DCLK2: variants seen among roughly 807,000 people sequenced by gnomAD.
The protein encoded by DCLK2 is serine/threonine-protein kinase DCLK2.
In DCLK2, 31 loss-of-function variants were observed where a neutral mutation model predicts 78.4. The observed-to-expected ratio is 0.40, with a 90% CI of 0.30 to 0.53. DCLK2 has a LOEUF of 0.53. Ranked by LOEUF, DCLK2 falls within the 20% of genes least tolerant of loss-of-function variation. The pLI, the probability that DCLK2 is intolerant of heterozygous loss-of-function variation, is 0.61. For missense variants in DCLK2, 872 were observed against 973.7 expected (o/e 0.90, Z 1.39); for synonymous variants, 407 against 374.9 (o/e 1.09, Z -0.99).
intron 1 of DCLK2, among the ~76,000 whole-genome samples, chr4:150,084,900 C>T (rs1339549254): frequency 3.3e-5 from 5 of 152,090 alleles, no homozygotes; most frequent in African/African-American, 4.8e-5. Flanking sequence ...GTCTTCTACT[C>T]GTAAAGTAAA....
chr4:150,245,927 A>T (rs1743274671), intron 12 of DCLK2, among the ~76,000 whole-genome samples: 1 of 152,226 alleles, frequency 6.6e-6, no homozygotes, highest in Non-Finnish European at 1.5e-5. Context: ...AAAGGATTAT[A>T]AATCATGCTT....
At chr4:150,107,661 T>C (rs188795200) in intron 2 of DCLK2, among the ~76,000 whole-genome samples, 44 of 152,282 alleles carry the variant, frequency 2.9e-4, no homozygotes, top group Admixed American at 1.4e-3. Context: ...AGGCATGAGA[T>C]GCTGCACACC....
rs767247570 is a variant in DCLK2 at position 150,247,713 on chromosome 4, C to T, written c.1875+14C>T. 6.6e-5 allele frequency: 106 copies of T among 1,608,924 alleles called. No homozygotes were observed. Among genetic ancestry groups the T allele is most frequent in the Non-Finnish European group, 7.9e-5 (93 of 1,175,754 alleles). The stretch of plus-strand genomic sequence containing the variant: ...GACTCTGCCAAGGTACCCTCCAGGC[C>T]TGTTTCTGTGGGTTGTATTACGTTG... On this transcript the variant is annotated intron_variant, in intron 13 of 15. Transcript: ENST00000296550.
chr4:150,094,523 C>G (rs773095933), intron 1 of DCLK2, among the ~76,000 whole-genome samples: 19 of 152,138 alleles, frequency 1.2e-4, no homozygotes, highest in Non-Finnish European at 2.9e-5. Flanking sequence ...TGCTAGTGCC[C>G]GTAGATGCCT....
chr4:150,218,410 G>A (rs1410026940), intron 5 of DCLK2, among the ~76,000 whole-genome samples: 1 of 152,180 alleles, frequency 6.6e-6, no homozygotes, highest in Non-Finnish European at 1.5e-5. Flanking sequence ...AAGTAGAAAT[G>A]CCTGTGTTTC....
intron 1 of DCLK2, among the ~76,000 whole-genome samples, chr4:150,100,707 G>A (rs912490793): frequency 4.6e-5 from 7 of 152,210 alleles, no homozygotes; most frequent in Non-Finnish European, 7.3e-5. Flanking sequence ...TAATGCATAT[G>A]TGTGGTTATA....
At chr4:150,247,084 C>T (rs1560907658) in intron 12 of DCLK2, among the ~76,000 whole-genome samples, 1 of 152,072 alleles carries the variant, frequency 6.6e-6, no homozygotes, top group Non-Finnish European at 1.5e-5. Flanking sequence ...GGAGATCGGA[C>T]TTAGATTTTC....
intron 5 of DCLK2, among the ~76,000 whole-genome samples, chr4:150,219,168 C>T (rs577669595): frequency 1.3e-5 from 2 of 151,738 alleles, no homozygotes; most frequent in East Asian, 3.9e-4. Flanking sequence ...TGCATCACTG[C>T]ACTCCAGCCT....
chr4:150,253,815 A>C, intron 15 of DCLK2: 1 of 985,478 alleles, frequency 1.0e-6, no homozygotes, highest in Non-Finnish European at 1.2e-6. Flanking sequence ...TAGTTCTCCT[A>C]CCGATGCTGT....
At chr4:150,079,979 TC>T (rs1210022662) in intron 1 of DCLK2, among the ~76,000 whole-genome samples, 1 of 152,136 alleles carries the variant, frequency 6.6e-6, no homozygotes, top group Non-Finnish European at 1.5e-5. Context: ...AGACAGCAGG[TC>T]TCAACCTTGG....
chr4:150,203,763 G>A (rs756475204), intron 4 of DCLK2, 32 bp from the exon 5 acceptor site: 32 of 1,561,864 alleles, frequency 2.0e-5, no homozygotes, highest in Non-Finnish European at 2.6e-5. Context: ...GTTTTAATGG[G>A]ACTTCTGTCT....
chr4:150,140,411 AG>A (rs2150212192), intron 2 of DCLK2, among the ~76,000 whole-genome samples: 1 of 152,320 alleles, frequency 6.6e-6, no homozygotes, highest in South Asian at 2.1e-4. Context: ...TCTAGGACCT[AG>A]GGGAGCAGTG....
chr4:150,102,767 A>G lies in DCLK2; in HGVS notation c.711A>G (p.Leu237=), dbSNP rs755082635. ...VLTDITEAIK[L]DSGVVKRLCT... ...CAGATATCACCGAAGCCATTAAACT[A>G]GACTCAGGAGTCGTCAAGAGGCTCT... The change falls in exon 2 of 16, where the codon CTA becomes CTG. Residue 237 remains leucine (L), a synonymous_variant. Transcript: ENST00000296550. 6.2e-7 allele frequency: 1 copy of G among 1,613,836 alleles called. No homozygotes were observed. Among genetic ancestry groups the G allele is most frequent in the Non-Finnish European group, 8.5e-7 (1 of 1,179,904 alleles).
intron 4 of DCLK2, among the ~76,000 whole-genome samples, chr4:150,200,828 G>A (rs1336352753): frequency 1.3e-5 from 2 of 152,164 alleles, no homozygotes; most frequent in African/African-American, 4.8e-5. Flanking sequence ...TATTAAGCTA[G>A]GTAACATAAA....
intron 2 of DCLK2, among the ~76,000 whole-genome samples, chr4:150,192,560 A>G (rs1738541720): frequency 1.3e-5 from 2 of 151,684 alleles, no homozygotes; most frequent in African/African-American, 4.8e-5. Flanking sequence ...CTTAAGCCTC[A>G]TTAGCTTCAT....
intron 12 of DCLK2, among the ~76,000 whole-genome samples, chr4:150,246,917 G>A (rs1284573840): frequency 6.6e-6 from 1 of 152,042 alleles, no homozygotes; most frequent in African/African-American, 2.4e-5. Flanking sequence ...TCTTGGGTTG[G>A]CCCTTCCTCT....
chr4:150,201,138 T>G (rs1208162409), intron 4 of DCLK2, among the ~76,000 whole-genome samples: 2 of 152,170 alleles, frequency 1.3e-5, no homozygotes, highest in African/African-American at 4.8e-5. Flanking sequence ...GATTTTAGCT[T>G]GTGAATCTTT....
Position 150,256,174 on chromosome 4 carries a change from C to A in DCLK2, c.2228C>A (p.Ser743Tyr), listed in dbSNP as rs1744547566. 3.9e-6 allele frequency: 6 copies of A among 1,529,988 alleles called. No individual in the cohort carries two copies. The East Asian group carries it at 1.5e-4, about 39-fold the overall frequency. 94.8% of individuals were successfully genotyped at this position (1,529,988 alleles called of 1,614,324 possible). The change falls in exon 16 of 16, where the codon TCT (serine) becomes TAT (tyrosine). Residue 743 changes from serine to tyrosine, a missense_variant. Physicochemically the swap from Ser to Tyr is moderately radical, Grantham distance 144. Coordinates refer to ENST00000296550, the MANE Select transcript of DCLK2 (RefSeq NM_001040260.4). ...EAVPAPTPPE[S>Y]PTPHPPPAAP... The stretch of plus-strand genomic sequence containing the variant: ...GTCCCGGCCCCCACCCCTCCGGAAT[C>A]TCCCACCCCCCACCCTCCTCCCGCT...
At chr4:150,150,853 A>T (rs941286298) in intron 2 of DCLK2, among the ~76,000 whole-genome samples, 1 of 152,220 alleles carries the variant, frequency 6.6e-6, no homozygotes, top group Non-Finnish European at 1.5e-5. Context: ...CTGTGTGGGA[A>T]CTTTCTCCAG....
Sources: gnomAD v4.1 joint callset for allele counts (sites outside exome capture counted in the v4.1 genomes callset) on GRCh38, gnomAD v4.1.1 for gene constraint, MANE v1.5 for transcripts, NCBI Gene and HGNC (gene_info 2026-07-23, HGNC 2026-07-21) for gene names.